The following UVRAG variants were observed in gnomAD, a reference collection of about 807,000 sequenced individuals.
UVRAG encodes the protein UV radiation resistance associated, also known as UV radiation resistance-associated gene protein.
A neutral mutation model predicts 78.0 loss-of-function variants in UVRAG; 19 were observed. The ratio of observed to expected loss-of-function variants is 0.24; its 90% CI spans 0.17 to 0.36. UVRAG has a LOEUF of 0.36. UVRAG is among the 10% of genes least tolerant of loss of function. UVRAG has a pLI of 1.00. For missense variants in UVRAG, 740 were observed against 853.8 expected, an observed-to-expected ratio of 0.87 and a Z score of 1.66; for synonymous variants, 323 against 324.6, an observed-to-expected ratio of 1.00 and a Z score of 0.05.
intron 4 of UVRAG, among the ~76,000 whole-genome samples, chr11:75,885,835 T>C: frequency 6.6e-6 from 1 of 152,162 alleles, no homozygotes; most frequent in East Asian, 1.9e-4. Context: ...AACAAAGGGA[T>C]CTTTCTGAGT....
At chr11:76,010,455 T>C (rs756766556) in intron 11 of UVRAG, among the ~76,000 whole-genome samples, 4 of 152,004 alleles carry the variant, frequency 2.6e-5, no homozygotes, top group Non-Finnish European at 5.9e-5. Flanking sequence ...AGGAGAAATA[T>C]AAAATTGAGG....
rs181487493 is a variant in UVRAG, at chr11:76,068,159, A to G, written c.1305+2371A>G. On this transcript the variant is annotated intron_variant, in intron 13 of 14. Coordinates refer to ENST00000356136, the MANE Select transcript of UVRAG (RefSeq NM_003369.4). Reference sequence around the variant, plus strand: ...CAAAAGGATGGTATGCCAAAAGATCATATAAAGTGTTGCTAAGAATACCAC... The same window carrying G: ...CAAAAGGATGGTATGCCAAAAGATCGTATAAAGTGTTGCTAAGAATACCAC... Among the ~76,000 whole-genome samples, 19 of 152,334 alleles carry G rather than the reference A, an allele frequency of 1.2e-4. No homozygotes were observed. In the East Asian group the frequency reaches 3.3e-3, roughly 26 times the overall value.
At chr11:75,966,694 T>G (rs1949030790) in intron 7 of UVRAG, among the ~76,000 whole-genome samples, 1 of 152,210 alleles carries the variant, frequency 6.6e-6, no homozygotes, top group African/African-American at 2.4e-5. Flanking sequence ...ACATTGTGAA[T>G]GTAATTTGGT....
chr11:75,836,876 T>C lies in UVRAG; in HGVS notation c.118-15007T>C, dbSNP rs370967794. On this transcript the variant is annotated intron_variant, in intron 1 of 14. Transcript: ENST00000356136. Reference sequence around the variant, plus strand: ...CATGTCTTCACTTCCATTATTTCTTTCCTATTACCTCCTTTTCTTTGCCCT... The same window carrying C: ...CATGTCTTCACTTCCATTATTTCTTCCCTATTACCTCCTTTTCTTTGCCCT... Among the ~76,000 whole-genome samples, 142 of 152,298 alleles carry C rather than the reference T, an allele frequency of 9.3e-4. 3 individuals carry two copies. The East Asian group carries it at 0.019, about 21-fold the overall frequency.
intron 5 of UVRAG, among the ~76,000 whole-genome samples, chr11:75,909,791 A>T (rs1947695320): frequency 2.0e-5 from 3 of 152,162 alleles, no homozygotes; most frequent in Non-Finnish European, 4.4e-5. Context: ...TTGCTGGTTC[A>T]ATTTGCTGAT....
chr11:76,102,338 A>G (rs928853046), intron 13 of UVRAG, among the ~76,000 whole-genome samples: 7 of 152,062 alleles, frequency 4.6e-5, no homozygotes, highest in East Asian at 1.9e-4. Flanking sequence ...TTTGGTGGCA[A>G]TTGTGAATGG....
intron 6 of UVRAG, among the ~76,000 whole-genome samples, chr11:75,928,719 C>G (rs919579702): frequency 1.3e-5 from 2 of 151,906 alleles, no homozygotes; most frequent in Non-Finnish European, 2.9e-5. Context: ...GTGGGCGGAT[C>G]ACGAGGTCAG....
chr11:76,020,599 C>G (rs1476671078), intron 12 of UVRAG, among the ~76,000 whole-genome samples: 1 of 150,452 alleles, frequency 6.6e-6, no homozygotes, highest in Non-Finnish European at 1.5e-5. Flanking sequence ...AGCTGGTATC[C>G]AAGATGCAAG....
chr11:75,872,693 C>T (rs1011421835), intron 3 of UVRAG, among the ~76,000 whole-genome samples: 12 of 152,108 alleles, frequency 7.9e-5, no homozygotes, highest in Non-Finnish European at 1.5e-4. Flanking sequence ...GGCCTGCTGG[C>T]ATGATTTTAG....
chr11:76,074,084 G>A (rs1951363339), intron 13 of UVRAG, among the ~76,000 whole-genome samples: 1 of 152,024 alleles, frequency 6.6e-6, no homozygotes. Context: ...GTAATAGATT[G>A]CTATTGCTAT....
At chr11:75,986,296 T>A (rs60864005) in intron 8 of UVRAG, among the ~76,000 whole-genome samples, 18,569 of 152,156 alleles carry the variant, frequency 0.12, 2,831 homozygotes, top group African/African-American at 0.36. Context: ...CTATTTTTTG[T>A]TGTTTTATGA....
At chr11:75,922,800 T>A (rs1278433085) in intron 6 of UVRAG, among the ~76,000 whole-genome samples, 1 of 151,692 alleles carries the variant, frequency 6.6e-6, no homozygotes, top group Non-Finnish European at 1.5e-5. Context: ...ATACAAAAAT[T>A]AGCTGGGCGT....
chr11:76,128,625 T>G (rs1192642017), intron 14 of UVRAG, among the ~76,000 whole-genome samples: 4 of 152,068 alleles, frequency 2.6e-5, no homozygotes, highest in Non-Finnish European at 4.4e-5. Context: ...TTTGTTTGTT[T>G]GTTTGTTTTG....
chr11:75,831,247 G>C (rs1373716929), intron 1 of UVRAG, among the ~76,000 whole-genome samples: 1 of 152,134 alleles, frequency 6.6e-6, no homozygotes, highest in East Asian at 1.9e-4. Context: ...CCAGCACTTT[G>C]GGAGGCTGAG....
rs577523996 is a variant in UVRAG at position 75,877,464 on chromosome 11, A to AC, written c.271-2408dup. 4.7e-3 allele frequency among the ~76,000 whole-genome samples: 573 copies of AC among 120,742 alleles called. 5 individuals are homozygous for AC. The highest frequency in any genetic ancestry group is 0.012 in the African/African-American group (385 of 30,924). 79.2% of individuals were successfully genotyped at this position (120,742 alleles called of 152,430 possible). On this transcript the variant is annotated intron_variant, in intron 3 of 14. Coordinates refer to ENST00000356136, the MANE Select transcript of UVRAG (RefSeq NM_003369.4). ...CCCCTCACCTCCCGGACGGGGGGTG[A>AC]CCCCCCCACCTCCCTCCCGGACGGG...
chr11:75,844,797 C>T (rs764263265), intron 1 of UVRAG, among the ~76,000 whole-genome samples: 2 of 151,920 alleles, frequency 1.3e-5, no homozygotes, highest in Non-Finnish European at 2.9e-5. Flanking sequence ...CCTCAGCCTC[C>T]TGGGTAGCTG....
chr11:76,085,137 G>A (rs1435944583), intron 13 of UVRAG, among the ~76,000 whole-genome samples: 1 of 148,938 alleles, frequency 6.7e-6, no homozygotes, highest in African/African-American at 2.5e-5. Context: ...AACCAGAATA[G>A]TTTGTTCAAC....
intron 7 of UVRAG, among the ~76,000 whole-genome samples, chr11:75,968,151 T>G (rs1001505149): frequency 6.6e-6 from 1 of 152,256 alleles, no homozygotes; most frequent in Non-Finnish European, 1.5e-5. Flanking sequence ...ATTTGGCATA[T>G]TCAACCTATA....
At chr11:75,835,926 T>C (rs10899142) in intron 1 of UVRAG, among the ~76,000 whole-genome samples, 27,347 of 151,862 alleles carry the variant, frequency 0.18, 3,586 homozygotes, top group African/African-American at 0.37. Flanking sequence ...ACCCTGTCTC[T>C]ACTTAAAAAA....
Sources: allele counts gnomAD v4.1 joint callset (sites outside exome capture counted in the v4.1 genomes callset), GRCh38; gene constraint gnomAD v4.1.1; transcripts MANE v1.5; gene names NCBI Gene and HGNC (gene_info 2026-07-23, HGNC 2026-07-21).